The following ANGPTL2 variants were observed in gnomAD, a reference collection of about 807,000 sequenced individuals.
ANGPTL2 encodes angiopoietin like 2, also known as angiopoietin-related protein 2.
ANGPTL2 carries 25 observed loss-of-function variants against 52.8 expected under a neutral mutation model. That is an observed-to-expected ratio of 0.47 (90% CI 0.35 to 0.66). ANGPTL2 has a LOEUF of 0.66. Among genes scored for constraint, ANGPTL2 ranks in the 30% least tolerant of loss-of-function variants. The pLI is 0.01. For synonymous variants in ANGPTL2, 276 were observed against 277.4 expected (o/e 1.00, Z 0.05); for missense variants, 546 against 656.9 (o/e 0.83, Z 1.84).
chr9:127,115,097 T>G (rs903184567), intron 1 of ANGPTL2, among the ~76,000 whole-genome samples: 2 of 152,242 alleles, frequency 1.3e-5, no homozygotes, highest in African/African-American at 4.8e-5. Context: ...CCAGCTGTAC[T>G]CTATCTCATT....
intron 3 of ANGPTL2, 85 bp from the exon 4 acceptor site, chr9:127,092,025 T>C: frequency 6.6e-7 from 1 of 1,520,516 alleles, no homozygotes; most frequent in African/African-American, 1.4e-5. Flanking sequence ...CAGCCCTGGA[T>C]AGAGGGGCCT....
intron 4 of ANGPTL2, among the ~76,000 whole-genome samples, chr9:127,089,410 CGCCTGCCGCACAGG>C (rs1215800401): frequency 2.0e-5 from 3 of 152,166 alleles, no homozygotes; most frequent in Non-Finnish European, 4.4e-5. Flanking sequence ...ATAAAAATGA[CGCCTGCCGCACAGG>C]GCGGCTCTGA....
In ANGPTL2 at chr9:127,091,913, A is replaced by G. The variant is rs1371268709; in HGVS notation, c.1039T>C (p.Tyr347His). 1 of 1,614,120 alleles carries G rather than the reference A, an allele frequency of 6.2e-7. No homozygotes were observed. Among genetic ancestry groups the G allele is most frequent in the Non-Finnish European group, 8.5e-7 (1 of 1,180,024 alleles). ...TAAATGTTCTCCAGGCCCAGCCAGTATTCGCCGTCAATGTTCCCAAACCCT... is the reference window on the plus strand; with the variant it reads ...TAAATGTTCTCCAGGCCCAGCCAGTGTTCGCCGTCAATGTTCCCAAACCCT... ...KQGFGNIDGE[Y>H]WLGLENIYWL... Residue 347 changes from tyrosine to histidine, a missense_variant, in exon 4 of 5, where the codon TAC becomes CAC. By Grantham distance (83) the Tyr-to-His change is moderately conservative. Transcript: ENST00000373425. The surrounding 1 kb of genome is among the most constrained non-coding windows in gnomAD (Gnocchi z 4.3).
At position 127,093,788 on chromosome 9, in the gene ANGPTL2, A is replaced by T; in HGVS notation, c.956T>A (p.Ile319Asn). 6.2e-7 allele frequency: 1 copy of T among 1,613,980 alleles called. No homozygotes were observed. The highest frequency in any genetic ancestry group is 8.5e-7 in the Non-Finnish European group (1 of 1,180,002). The change falls in exon 3 of 5, where the codon ATC becomes AAC. Residue 319 changes from isoleucine (I) to asparagine (N), a missense_variant. Physicochemically the swap from Ile to Asn is moderately radical, Grantham distance 149. Coordinates refer to ENST00000373425, the MANE Select transcript of ANGPTL2 (RefSeq NM_012098.3). Reference protein sequence around the residue: ...QRHDPGGWTVIQRRLDGSVNF... With the variant: ...QRHDPGGWTVNQRRLDGSVNF... ...AACAGAGCCATCCAGGCGTCTCTGG[A>T]TGACGGTCCAGCCCCCGGGGTCGTG...
At position 127,108,096 on chromosome 9, in the gene ANGPTL2, G is replaced by A; in HGVS notation, c.636C>T (p.Pro212=). The A allele has an allele frequency of 3.1e-6, 5 of 1,611,924 alleles. No homozygotes were observed. Among genetic ancestry groups the A allele is most frequent in the Non-Finnish European group, 4.2e-6 (5 of 1,178,904 alleles). The change falls in exon 2 of 5, where the codon CCC becomes CCT. Residue 212 remains proline, a synonymous_variant. Coordinates refer to ENST00000373425, the MANE Select transcript of ANGPTL2 (RefSeq NM_012098.3). ...GGGCAGCGGGGGGTGGCTGGGGGAC[G>A]GGCCTGGCCGAGGGCACCCTCTGGC... ...EHCQRVPSAR[P]VPQPPPAAPP...
Position 127,108,140 on chromosome 9 carries a change from C to T in ANGPTL2, c.592G>A (p.Ala198Thr), listed in dbSNP as rs780586834. Residue 198 changes from alanine to threonine, a missense_variant, in exon 2 of 5, where the codon GCG becomes ACG. Around this residue, in one of 2 missense-constraint regions of ANGPTL2, gnomAD observed 285 missense variants for 295.8 expected, o/e 0.96. Coordinates refer to ENST00000373425, the MANE Select transcript of ANGPTL2 (RefSeq NM_012098.3). The part of the protein sequence containing the change: ...TLAHNQSEII[A>T]QLEEHCQRVP... ...CTCTGGCAGTGCTCCTCAAGCTGCGCGATGATCTCTGATTGGTTGTGGGCC... is the reference window on the plus strand; with the variant it reads ...CTCTGGCAGTGCTCCTCAAGCTGCGTGATGATCTCTGATTGGTTGTGGGCC... 58 of 1,613,802 alleles carry T rather than the reference C, an allele frequency of 3.6e-5. No homozygotes were observed. Among genetic ancestry groups the T allele is most frequent in the Non-Finnish European group, 4.4e-5 (52 of 1,179,970 alleles).
Position 127,093,804 on chromosome 9 carries a change from CGG to C in ANGPTL2, c.938_939del (p.Pro313ArgfsTer15). 6.2e-7 allele frequency: 1 copy of C among 1,614,044 alleles called. No homozygotes were observed. Among genetic ancestry groups the C allele is most frequent in the Non-Finnish European group, 8.5e-7 (1 of 1,180,014 alleles). ...MQVWCDQRHDPGGWTVIQRRL... is the reference protein window; with the variant it reads ...MQVWCDQRHDXGGWTVIQRRL... ...CGTCTCTGGATGACGGTCCAGCCCCCGGGGTCGTGTCTCTGGTCGCACCACAC... is the reference window on the plus strand; with the variant it reads ...CGTCTCTGGATGACGGTCCAGCCCCCGGTCGTGTCTCTGGTCGCACCACAC... On this transcript the variant is annotated frameshift_variant, in exon 3 of 5. Transcript: ENST00000373425. LOFTEE classifies it high-confidence loss of function.
At chr9:127,103,885 C>T (rs574040805) in intron 2 of ANGPTL2, among the ~76,000 whole-genome samples, 10 of 152,266 alleles carry the variant, frequency 6.6e-5, no homozygotes, top group Non-Finnish European at 1.2e-4. Context: ...CCAGCCTTCC[C>T]GTGGAAGTGT....
At chr9:127,110,643 C>T (rs1235847801) in intron 1 of ANGPTL2, among the ~76,000 whole-genome samples, 5 of 152,178 alleles carry the variant, frequency 3.3e-5, no homozygotes, top group African/African-American at 1.2e-4. Context: ...CGTTTTTCCC[C>T]GTATCTCCAA....
At chr9:127,114,233 T>A (rs1233201520) in intron 1 of ANGPTL2, among the ~76,000 whole-genome samples, 1 of 152,220 alleles carries the variant, frequency 6.6e-6, no homozygotes, top group Non-Finnish European at 1.5e-5. Flanking sequence ...TATATTTATA[T>A]TGTAGCAATT....
intron 1 of ANGPTL2, among the ~76,000 whole-genome samples, chr9:127,111,853 T>G (rs902935279): frequency 2.0e-5 from 3 of 152,226 alleles, no homozygotes; most frequent in Admixed American, 1.3e-4. Context: ...ACCTGCTAAC[T>G]CTTAACGATG....
At chr9:127,104,102 C>T (rs578137873) in intron 2 of ANGPTL2, among the ~76,000 whole-genome samples, 1 of 152,288 alleles carries the variant, frequency 6.6e-6, no homozygotes, top group South Asian at 2.1e-4. Context: ...CTAATAGTTC[C>T]AGTATTTCAT....
chr9:127,117,837 G>T (rs1209485188), intron 1 of ANGPTL2, among the ~76,000 whole-genome samples: 1 of 152,232 alleles, frequency 6.6e-6, no homozygotes, highest in African/African-American at 2.4e-5. Context: ...GGACTTTAAG[G>T]ATTCTTGGAG....
At chr9:127,090,133 T>C (rs1014240848) in intron 4 of ANGPTL2, among the ~76,000 whole-genome samples, 1 of 152,194 alleles carries the variant, frequency 6.6e-6, no homozygotes, top group African/African-American at 2.4e-5. Flanking sequence ...GTGGCAGTGT[T>C]GGACTGGTAT....
chr9:127,093,720 T>G lies in ANGPTL2; in HGVS notation c.1011+13A>C. On this transcript the variant is annotated intron_variant, in intron 3 of 4. Coordinates refer to ENST00000373425, the MANE Select transcript of ANGPTL2 (RefSeq NM_012098.3). ...CCTTGTGGGCAGCACAGACATCCCC[T>G]GCCGAGTCTCACCTTGTACGTCTCC... The G allele has an allele frequency of 6.2e-7, 1 of 1,613,482 alleles. No homozygotes were observed. The highest frequency in any genetic ancestry group is 8.5e-7 in the Non-Finnish European group (1 of 1,179,552).
chr9:127,111,821 A>G (rs892493580), intron 1 of ANGPTL2, among the ~76,000 whole-genome samples: 2 of 152,250 alleles, frequency 1.3e-5, no homozygotes, highest in African/African-American at 4.8e-5. Flanking sequence ...ACCAGGGCTC[A>G]ACCCTGGTCT....
rs763578177 is a variant in ANGPTL2, at chr9:127,091,973, G to A, written c.1012-33C>T. 1.9e-6 allele frequency: 3 copies of A among 1,604,624 alleles called. No individual in the cohort carries two copies. The highest frequency in any genetic ancestry group is 1.1e-5 in the South Asian group (1 of 90,002). On this transcript the variant is annotated intron_variant, in intron 3 of 4. Transcript: ENST00000373425. The surrounding 1 kb of genome is among the most constrained non-coding windows in gnomAD (Gnocchi z 4.3). ...AAACCCAGGAGAGTGTTAATGTGGA[G>A]CCTGCAGCACCTGCAGCCAGCAGGC... is the stretch of plus-strand genomic sequence containing the variant.
intron 1 of ANGPTL2, among the ~76,000 whole-genome samples, chr9:127,112,229 C>T (rs892999489): frequency 1.6e-4 from 25 of 152,208 alleles, no homozygotes; most frequent in African/African-American, 6.0e-4. Context: ...GCTGCAGTGA[C>T]GTCAGTGGAA....
At chr9:127,107,728 G>A (rs1218076880) in intron 2 of ANGPTL2, among the ~76,000 whole-genome samples, 187 bp downstream of exon 2, 1 of 152,180 alleles carries the variant, frequency 6.6e-6, no homozygotes, top group Non-Finnish European at 1.5e-5. Flanking sequence ...TCTAAGGAAT[G>A]TGGTTCCCCT....
Sources: gnomAD v4.1 joint callset for allele counts (sites outside exome capture counted in the v4.1 genomes callset) on GRCh38, gnomAD v4.1.1 for gene constraint, gnomAD v4.1.1 regional missense constraint, Gnocchi (gnomAD v3.1) non-coding constraint, MANE v1.5 for transcripts, NCBI Gene and HGNC (gene_info 2026-07-23, HGNC 2026-07-21) for gene names.